Variants in TMEM116 observed in about 807,000 individuals in gnomAD.
The protein encoded by TMEM116 is transmembrane protein 116.
In TMEM116, 38 loss-of-function variants were observed where a neutral mutation model predicts 44.3. The observed-to-expected ratio is 0.86, with a 90% CI of 0.66 to 1.12. The LOEUF is 1.12. TMEM116 is among the 50% of genes most tolerant of loss of function. The pLI, the probability that TMEM116 is intolerant of heterozygous loss-of-function variation, is 0.00. For synonymous variants in TMEM116, 132 were observed against 144.8 expected, an observed-to-expected ratio of 0.91 and a Z score of 0.64; for missense variants, 354 against 401.7, an observed-to-expected ratio of 0.88 and a Z score of 1.01.
In TMEM116 at chr12:112,003,763, A is replaced by G; in HGVS notation, c.78+37T>C. ...TATTTGTTTCAGAGACTAGGTCAAT[A>G]AAAAGTTCAAATCCAACACAAAGAG... On this transcript the variant is annotated intron_variant, in intron 3 of 10. Transcript: ENST00000552374. The G allele has an allele frequency of 2.0e-6, 3 of 1,505,364 alleles. No individual in the cohort carries two copies. In the South Asian group the frequency reaches 3.9e-5, roughly 20 times the overall value. The allele number at this position is 1,505,364 out of a possible 1,614,324, so 93.3% of individuals were successfully genotyped here.
chr12:111,941,575 A>C (rs955626292), intron 5 of TMEM116, among the ~76,000 whole-genome samples: 1 of 152,178 alleles, frequency 6.6e-6, no homozygotes, highest in African/African-American at 2.4e-5. Context: ...GTATCCACAT[A>C]TAGCTAGTAG....
intron 3 of TMEM116, among the ~76,000 whole-genome samples, chr12:111,992,562 C>A (rs1026379426): frequency 1.3e-5 from 2 of 152,168 alleles, no homozygotes; most frequent in Non-Finnish European, 2.9e-5. Context: ...AGCCAAACAT[C>A]TTCTAAATAT....
chr12:111,938,036 A>C (rs559481557), intron 6 of TMEM116, 125 bp downstream of exon 6: 1 of 512,242 alleles, frequency 2.0e-6, no homozygotes, highest in South Asian at 4.3e-5. Flanking sequence ...TGTTGTTTCT[A>C]AGTTAGGCTC....
intron 4 of TMEM116, among the ~76,000 whole-genome samples, chr12:111,960,353 G>A (rs978510691): frequency 2.0e-5 from 3 of 151,590 alleles, no homozygotes; most frequent in African/African-American, 7.3e-5. Flanking sequence ...TTAGCTGGGG[G>A]TGGTGGCGGG....
intron 4 of TMEM116, among the ~76,000 whole-genome samples, chr12:111,946,217 C>T (rs2073260959): frequency 6.6e-6 from 1 of 152,190 alleles, no homozygotes. Context: ...TTGCCAAGAC[C>T]AGCTTGGTCA....
chr12:111,974,942 A>C (rs2075581781), intron 4 of TMEM116, among the ~76,000 whole-genome samples: 1 of 152,234 alleles, frequency 6.6e-6, no homozygotes, highest in Admixed American at 6.5e-5. Flanking sequence ...AAATATGACA[A>C]AGGATGTGAA....
chr12:111,939,835 TAAA>T (rs2072528796), intron 5 of TMEM116, among the ~76,000 whole-genome samples: 1 of 131,240 alleles, frequency 7.6e-6, no homozygotes, highest in Admixed American at 7.9e-5. Context: ...ATCAAAAAAA[TAAA>T]AAGAAAAGAA....
chr12:111,949,615 G>A (rs931879615), intron 4 of TMEM116, among the ~76,000 whole-genome samples: 30 of 152,002 alleles, frequency 2.0e-4, no homozygotes, highest in Admixed American at 7.2e-4. Flanking sequence ...GGTAAAAATC[G>A]CAATTATGGT....
intron 4 of TMEM116, among the ~76,000 whole-genome samples, chr12:111,973,715 G>GCCGAGGCTGGAGATCACTTGAGTCCA (rs2075495597): frequency 2.0e-5 from 3 of 152,110 alleles, no homozygotes. Flanking sequence ...ACTTTGGGAG[G>GCCGAGGCTGGAGATCACTTGAGTCCA]CCGAGGCTGG....
chr12:111,947,220 T>C (rs2073360250), intron 4 of TMEM116, among the ~76,000 whole-genome samples: 1 of 151,906 alleles, frequency 6.6e-6, no homozygotes, highest in African/African-American at 2.4e-5. Context: ...TCACTCTGGT[T>C]AAATAAATGA....
intron 4 of TMEM116, among the ~76,000 whole-genome samples, chr12:111,977,994 G>A (rs919280791): frequency 2.0e-5 from 3 of 149,314 alleles, no homozygotes. Context: ...GGAAGATAAA[G>A]AACAGATACA....
At chr12:112,003,132 T>C (rs1035549318) in intron 3 of TMEM116, among the ~76,000 whole-genome samples, 4 of 152,220 alleles carry the variant, frequency 2.6e-5, no homozygotes, top group African/African-American at 9.6e-5. Context: ...CTAGTCCCAG[T>C]AGCAATTTTA....
intron 5 of TMEM116, among the ~76,000 whole-genome samples, chr12:111,940,333 T>A (rs1177405530): frequency 1.3e-5 from 2 of 150,168 alleles, no homozygotes; most frequent in East Asian, 3.9e-4. Flanking sequence ...TATCTATACA[T>A]ATAAAATACT....
At chr12:111,953,541 T>G (rs1394671059) in intron 4 of TMEM116, among the ~76,000 whole-genome samples, 1 of 152,166 alleles carries the variant, frequency 6.6e-6, no homozygotes, top group African/African-American at 2.4e-5. Flanking sequence ...CAAAAGATCC[T>G]GCAAAAATCA....
At chr12:111,936,955 C>G in intron 7 of TMEM116, 125 bp from the exon 8 acceptor site, 1 of 1,109,528 alleles carries the variant, frequency 9.0e-7, no homozygotes, top group South Asian at 1.6e-5. Flanking sequence ...AACCTTGTCT[C>G]TCCCCCACAG....
intron 5 of TMEM116, among the ~76,000 whole-genome samples, chr12:111,940,561 A>G (rs2339905): frequency 0.27 from 34,646 of 127,614 alleles, 6,652 homozygotes; most frequent in East Asian, 0.72. Context: ...ACACATATAT[A>G]TGTGTGTATA....
At chr12:111,991,217 C>CAAAAAAA (rs59103081) in intron 4 of TMEM116, among the ~76,000 whole-genome samples, 1 of 62,836 alleles carries the variant, frequency 1.6e-5, no homozygotes, top group Non-Finnish European at 3.3e-5. Flanking sequence ...GACTCTGTCT[C>CAAAAAAA]AAAAAAAAAA....
chr12:111,998,425 C>A (rs1411666374), intron 3 of TMEM116, among the ~76,000 whole-genome samples: 1 of 152,172 alleles, frequency 6.6e-6, no homozygotes, highest in Non-Finnish European at 1.5e-5. Flanking sequence ...CAAGAATGAT[C>A]CAATATGTAT....
intron 4 of TMEM116, among the ~76,000 whole-genome samples, chr12:111,957,736 G>A (rs1169070877): frequency 6.6e-6 from 1 of 152,188 alleles, no homozygotes; most frequent in East Asian, 1.9e-4. Context: ...TGGGAAGGGA[G>A]GAGCCCCTCT....
Sources: gnomAD v4.1 joint callset for allele counts (sites outside exome capture counted in the v4.1 genomes callset) on GRCh38, gnomAD v4.1.1 for gene constraint, MANE v1.5 for transcripts, NCBI Gene and HGNC (gene_info 2026-07-23, HGNC 2026-07-21) for gene names.